Variants in MYRFL observed in about 807,000 individuals in gnomAD.
MYRFL encodes the protein myelin regulatory factor-like protein.
A neutral mutation model predicts 109.4 loss-of-function variants in MYRFL; 88 were observed. The ratio of observed to expected loss-of-function variants is 0.80; its 90% CI spans 0.68 to 0.96. The LOEUF (loss-of-function observed/expected upper bound fraction) is 0.96. Ranked by LOEUF, MYRFL falls within the 40% of genes least tolerant of loss-of-function variation. The probability of loss-of-function intolerance (pLI) is 0.00; values close to 1 mark genes in which losing one functional copy is unlikely to be tolerated. For missense variants in MYRFL, 957 were observed against 954.9 expected (o/e 1.00, Z -0.03); for synonymous variants, 324 against 320.9 (o/e 1.01, Z -0.10).
intron 2 of MYRFL, among the ~76,000 whole-genome samples, chr12:69,866,358 A>G (rs914669813): frequency 1.3e-5 from 2 of 152,120 alleles, no homozygotes; most frequent in African/African-American, 4.8e-5. Context: ...GAACAAGCAG[A>G]AACATGGCTA....
chr12:69,893,520 C>A (rs960157799), intron 7 of MYRFL, among the ~76,000 whole-genome samples: 1 of 152,126 alleles, frequency 6.6e-6, no homozygotes, highest in Admixed American at 6.5e-5. Context: ...TCACTGCCTA[C>A]CTGAAATACT....
Position 69,861,406 on chromosome 12 carries a change from T to C in MYRFL, c.137+6036T>C, listed in dbSNP as rs923643278. 2.5e-3 allele frequency among the ~76,000 whole-genome samples: 382 copies of C among 152,256 alleles called. 1 individual carries two copies. The highest frequency in any genetic ancestry group is 3.7e-3 in the Non-Finnish European group (249 of 67,996). The stretch of plus-strand genomic sequence containing the variant: ...CTGTTTCTCCACATCCTCTCCAGCA[T>C]CTGTTGTTTCCTGACTTTTTAATGA... On this transcript the variant is annotated intron_variant, in intron 2 of 24. Transcript: ENST00000552032.
At chr12:69,853,358 T>A (rs530039829) in intron 1 of MYRFL, among the ~76,000 whole-genome samples, 3 of 121,586 alleles carry the variant, frequency 2.5e-5, no homozygotes, top group Admixed American at 8.0e-5. Context: ...ACTTCCCAGA[T>A]GAAGCGGCTG....
intron 1 of MYRFL, among the ~76,000 whole-genome samples, chr12:69,838,433 GAAT>G (rs952401622): frequency 6.6e-5 from 10 of 152,010 alleles, no homozygotes; most frequent in Non-Finnish European, 1.3e-4. Context: ...GGCCAAACCA[GAAT>G]AATAATTCTT....
chr12:69,954,680 A>C (rs1169009605), intron 21 of MYRFL, among the ~76,000 whole-genome samples: 1 of 152,206 alleles, frequency 6.6e-6, no homozygotes, highest in East Asian at 1.9e-4. Context: ...TTGTTTTTCC[A>C]TGTAATTCAA....
chr12:69,860,984 G>A (rs1234653815), intron 2 of MYRFL, among the ~76,000 whole-genome samples: 7 of 146,530 alleles, frequency 4.8e-5, no homozygotes, highest in African/African-American at 1.0e-4. Context: ...ACCTATGAGC[G>A]AGAATATGCA....
chr12:69,890,925 T>C, intron 6 of MYRFL, 46 bp from the exon 7 acceptor site: 1 of 1,357,886 alleles, frequency 7.4e-7, no homozygotes, highest in Non-Finnish European at 9.6e-7. Flanking sequence ...AAAATAAATA[T>C]ATGGAAACAT....
intron 7 of MYRFL, among the ~76,000 whole-genome samples, chr12:69,892,908 A>G (rs1157617208): frequency 6.6e-6 from 1 of 152,244 alleles, no homozygotes; most frequent in Non-Finnish European, 1.5e-5. Context: ...TATATTGTGG[A>G]CATCACATTA....
Position 69,954,251 on chromosome 12 carries a change from A to T in MYRFL, c.2376-1112A>T, listed in dbSNP as rs577158237. Among the ~76,000 whole-genome samples, 111 of 152,308 alleles carry T rather than the reference A, an allele frequency of 7.3e-4. 1 individual carries two copies. Among genetic ancestry groups the T allele is most frequent in the Admixed American group, 1.8e-3 (27 of 15,304 alleles). On this transcript the variant is annotated intron_variant, in intron 21 of 24. Transcript: ENST00000552032. The stretch of plus-strand genomic sequence containing the variant: ...CAAATACCAATTTTTCAGCTATAAG[A>T]TGGGGATACTTTCAAAACTGAGTTG...
At chr12:69,890,554 C>G (rs1034258032) in intron 6 of MYRFL, among the ~76,000 whole-genome samples, 2 of 152,042 alleles carry the variant, frequency 1.3e-5, no homozygotes, top group African/African-American at 4.8e-5. Context: ...GCCAACATGG[C>G]GAAACCCTGT....
rs563343048 is a variant in MYRFL, at chr12:69,897,142, T to A, written c.1092-14T>A. 94 of 1,525,492 alleles carry A rather than the reference T, an allele frequency of 6.2e-5. No individual in the cohort carries two copies. The East Asian group carries it at 2.3e-3, about 37-fold the overall frequency. 94.5% of individuals were successfully genotyped at this position (1,525,492 alleles called of 1,614,324 possible). A position where few individuals can be genotyped will look rare whatever the true frequency, so the allele number is the denominator to read the frequency against. ...TCCTGATGCATTGGCATTGGTCTGC[T>A]GTCTCTGAATTAGATACTTCATGTT... On this transcript the variant is annotated splice_polypyrimidine_tract_variant and intron_variant, in intron 9 of 24. Coordinates refer to ENST00000552032, the MANE Select transcript of MYRFL (RefSeq NM_182530.3).
chr12:69,865,855 G>A (rs1238654845), intron 2 of MYRFL, among the ~76,000 whole-genome samples: 11 of 152,188 alleles, frequency 7.2e-5, no homozygotes, highest in Non-Finnish European at 1.2e-4. Flanking sequence ...TGCAGGTGAA[G>A]TAGAAGAGGA....
At chr12:69,868,980 A>C (rs1200014910) in intron 2 of MYRFL, among the ~76,000 whole-genome samples, 1 of 152,032 alleles carries the variant, frequency 6.6e-6, no homozygotes, top group Admixed American at 6.5e-5. Context: ...GCACACATGC[A>C]CTCACACATG....
chr12:69,932,968 A>C (rs1272749417), intron 16 of MYRFL, among the ~76,000 whole-genome samples: 1 of 151,574 alleles, frequency 6.6e-6, no homozygotes, highest in Non-Finnish European at 1.5e-5. Flanking sequence ...TTTTCTGTTG[A>C]CCTTGGAGAA....
chr12:69,885,500 CT>C (rs1183057600), intron 5 of MYRFL, among the ~76,000 whole-genome samples: 2 of 152,070 alleles, frequency 1.3e-5, no homozygotes, highest in African/African-American at 4.8e-5. Context: ...AGCTAATGTC[CT>C]ATTTGTACAT....
chr12:69,850,427 A>G (rs1883813541), intron 1 of MYRFL, among the ~76,000 whole-genome samples: 2 of 151,946 alleles, frequency 1.3e-5, no homozygotes, highest in African/African-American at 4.8e-5. Context: ...AAGGAAAACT[A>G]AAGGAATTAC....
intron 19 of MYRFL, among the ~76,000 whole-genome samples, chr12:69,944,125 G>A (rs1321168590): frequency 1.3e-5 from 2 of 150,302 alleles, no homozygotes; most frequent in Non-Finnish European, 2.9e-5. Flanking sequence ...AGTCAGTGAG[G>A]CGATTCCTCA....
chr12:69,835,443 C>T (rs542531349), intron 1 of MYRFL, among the ~76,000 whole-genome samples: 23 of 152,308 alleles, frequency 1.5e-4, no homozygotes, highest in African/African-American at 5.5e-4. Flanking sequence ...TCCAGTACAA[C>T]TCATATATTT....
At chr12:69,867,728 T>A (rs965758423) in intron 2 of MYRFL, among the ~76,000 whole-genome samples, 39 of 152,106 alleles carry the variant, frequency 2.6e-4, no homozygotes, top group African/African-American at 9.4e-4. Flanking sequence ...ATCACTATAG[T>A]GGGGTTGATA....
Sources: gnomAD v4.1 joint callset for allele counts (sites outside exome capture counted in the v4.1 genomes callset) on GRCh38, gnomAD v4.1.1 for gene constraint, MANE v1.5 for transcripts, NCBI Gene and HGNC (gene_info 2026-07-23, HGNC 2026-07-21) for gene names.